Variants in DNASE1L1 observed in about 807,000 individuals in gnomAD.
DNASE1L1 encodes the protein deoxyribonuclease-1-like 1.
Under a neutral mutation model 18.6 loss-of-function variants are expected in DNASE1L1, and 8 were observed. The observed-to-expected ratio is 0.43, with a 90% confidence interval of 0.25 to 0.78. The LOEUF is 0.78. DNASE1L1 is among the 30% of genes least tolerant of loss of function. The pLI is 0.23. For synonymous variants in DNASE1L1, 114 were observed against 114.2 expected, an observed-to-expected ratio of 1.00 and a Z score of 0.01; for missense variants, 214 against 258.2, an observed-to-expected ratio of 0.83 and a Z score of 1.17.
In DNASE1L1 at chrX:154,405,007, C is replaced by T. The variant is rs141797285; in HGVS notation, c.212G>A (p.Arg71Gln). The T allele has an allele frequency of 1.8e-5, 22 of 1,208,962 alleles. No individual in the cohort carries two copies. Among genetic ancestry groups the T allele is most frequent in the Admixed American group, 2.2e-5 (1 of 45,811 alleles). Residue 71 changes from arginine to glutamine, a missense_variant, in exon 3 of 8, where the codon CGA becomes CAA. Transcript: ENST00000369807. ...GAATCTTCCTCACCGATTGAGTTCTCGAAGCAGGAGCGGGATGGCGCTGCC... is the reference window on the plus strand; with the variant it reads ...GAATCTTCCTCACCGATTGAGTTCTTGAAGCAGGAGCGGGATGGCGCTGCC... ...SSGSAIPLLL[R>Q]ELNRFDGSGP...
At position 154,402,574 on chromosome X, in the gene DNASE1L1, C is replaced by T. The variant is rs2068064568; in HGVS notation, c.*133G>A. ...ACCAAAGAACAAGAGCCAAATCAAACAAGGCAGGCAGGGGTGGACTACAGT... is the reference window on the plus strand; with the variant it reads ...ACCAAAGAACAAGAGCCAAATCAAATAAGGCAGGCAGGGGTGGACTACAGT... On this transcript the variant is annotated 3_prime_UTR_variant, in exon 8 of 8. Transcript: ENST00000369807. 2.9e-6 allele frequency: 2 copies of T among 691,517 alleles called. No homozygotes were observed. Among genetic ancestry groups the T allele is most frequent in the African/African-American group, 2.2e-5 (1 of 45,984 alleles). 57.0% of individuals were successfully genotyped at this position (691,517 alleles called of 1,213,427 possible).
Position 154,405,625 on chromosome X carries a change from C to A in DNASE1L1, c.-57G>T. ...AATCCAGGCTGCCCCAGGGTGCGCT[C>A]TCACTGGGCTCAGTTCTGGCTCTGG... On this transcript the variant is annotated 5_prime_UTR_variant, in exon 2 of 8. Transcript: ENST00000369807. The A allele has an allele frequency of 9.5e-7, 1 of 1,047,617 alleles. No homozygotes were observed. The allele number at this position is 1,047,617 out of a possible 1,213,427, so 86.3% of individuals were successfully genotyped here. A position where few individuals can be genotyped will look rare whatever the true frequency, so the allele number is the denominator to read the frequency against.
rs782576613 is a variant in DNASE1L1, at chrX:154,403,220, G to A, written c.526-30C>T. 1.6e-5 allele frequency: 19 copies of A among 1,207,763 alleles called. No individual in the cohort carries two copies. In the Admixed American group the frequency reaches 1.7e-4, roughly 11 times the overall value. On this transcript the variant is annotated intron_variant, in intron 6 of 7. Coordinates refer to ENST00000369807, the MANE Select transcript of DNASE1L1 (RefSeq NM_001303620.2). ...AGACACAGCAGCCATCAGGCTGGCC[G>A]CTGGGCCACCCTATCCTTGTCCCTC... is the stretch of plus-strand genomic sequence containing the variant.
At chrX:154,410,696 C>G (rs1557189957), upstream of DNASE1L1, among the ~76,000 whole-genome samples, 1 of 107,207 alleles carries the variant, frequency 9.3e-6, no homozygotes, top group African/African-American at 3.4e-5. Context: ...ATGGTGAAAC[C>G]CCATCTCTAC....
intron 1 of DNASE1L1, among the ~76,000 whole-genome samples, chrX:154,407,587 C>CTTTTTTT (rs782217648): frequency 1.3e-5 from 1 of 74,763 alleles, no homozygotes. Flanking sequence ...CCTAGTCTAC[C>CTTTTTTT]TTTTTTTTTT....
In DNASE1L1 at chrX:154,403,362, C is replaced by T. The variant is rs1557187524; in HGVS notation, c.432G>A (p.Leu144=). 3 of 1,211,271 alleles carry T rather than the reference C, an allele frequency of 2.5e-6. No individual in the cohort carries two copies. Among genetic ancestry groups the T allele is most frequent in the Middle Eastern group, 2.3e-4 (1 of 4,353 alleles). The stretch of plus-strand genomic sequence containing the variant: ...CCTTAGGAGTGGTGTGCAGCGGGAC[C>T]AACACCAGGCTGGGAAGGACTGCAA... ...LPSNVLPSLV[L]VPLHTTPKAV... Residue 144 remains leucine (L), a synonymous_variant, in exon 6 of 8, where the codon TTG becomes TTA. Transcript: ENST00000369807.
chrX:154,406,664 CTTTTTTTTTT>C (rs782761679), intron 1 of DNASE1L1, among the ~76,000 whole-genome samples: 6 of 86,139 alleles, frequency 7.0e-5, no homozygotes, highest in East Asian at 3.5e-4. Flanking sequence ...CCACCGTGTC[CTTTTTTTTTT>C]TTTTTTTTTT....
intron 4 of DNASE1L1, 34 bp downstream of exon 4, chrX:154,404,794 C>T (rs1363912512): frequency 2.0e-5 from 24 of 1,186,547 alleles, no homozygotes; most frequent in Non-Finnish European, 2.6e-5. Context: ...AAGGACCGCC[C>T]CCCACCCTGC....
At position 154,405,516 on chromosome X, in the gene DNASE1L1, GCCTGGGCC is replaced by G; in HGVS notation, c.45_52del (p.Ala16LeufsTer33). ...GGCATTGAAGGCGCAGATGCGAAAG[GCCTGGGCC>G]CCATTGGCCAGGATGAGGAAGAGGA... On this transcript the variant is annotated frameshift_variant, in exon 2 of 8. Coordinates refer to ENST00000369807, the MANE Select transcript of DNASE1L1 (RefSeq NM_001303620.2). LOFTEE classifies it high-confidence loss of function. 8.3e-7 allele frequency: 1 copy of G among 1,200,881 alleles called. No homozygotes were observed. Among genetic ancestry groups the G allele is most frequent in the Non-Finnish European group, 1.1e-6 (1 of 887,986 alleles).
At chrX:154,404,105 T>C (rs1889197554) in intron 4 of DNASE1L1, among the ~76,000 whole-genome samples, 1 of 109,306 alleles carries the variant, frequency 9.1e-6, no homozygotes, top group Admixed American at 9.8e-5. Context: ...TTCCACGGAC[T>C]GGGTATAGTA....
chrX:154,405,689 G>T, intron 1 of DNASE1L1, 34 bp from the exon 2 acceptor site: 1 of 756,554 alleles, frequency 1.3e-6, no homozygotes, highest in Non-Finnish European at 1.8e-6. Flanking sequence ...GGCACTAGCT[G>T]CTGCCCAGCA....
Position 154,403,310 on chromosome X carries a change from A to G in DNASE1L1, c.484T>C (p.Tyr162His), listed in dbSNP as rs1557187476. ...TGGGAGACCTCCAGAAACACATCGT[A>G]GAGGGCGTTCAGCTCCTTCTCTACG... ...KAVEKELNAL[Y>H]DVFLEVSQHW... The change falls in exon 6 of 8, where the codon TAC becomes CAC. Residue 162 changes from tyrosine to histidine, a missense_variant. Tyr to His is a moderately conservative substitution (Grantham distance 83). Transcript: ENST00000369807. 1 of 1,211,628 alleles carries G rather than the reference A, an allele frequency of 8.3e-7. No homozygotes were observed. The highest frequency in any genetic ancestry group is 2.2e-5 in the Admixed American group (1 of 46,079).
chrX:154,404,935 G>C, intron 3 of DNASE1L1, 21 bp from the exon 4 acceptor site: 2 of 1,206,968 alleles, frequency 1.7e-6, no homozygotes, highest in Non-Finnish European at 2.2e-6. Flanking sequence ...AAGGGGAGGC[G>C]GGGTCAGGGC....
chrX:154,405,231 AG>A, intron 2 of DNASE1L1, 148 bp from the exon 3 acceptor site: 1 of 835,680 alleles, frequency 1.2e-6, no homozygotes, highest in East Asian at 3.4e-5. Context: ...GAAATGCCCC[AG>A]GAAAAGACTC....
Position 154,402,815 on chromosome X carries a change from G to A in DNASE1L1, c.801C>T (p.Pro267=), listed in dbSNP as rs138708821. 26 of 1,209,350 alleles carry A rather than the reference G, an allele frequency of 2.1e-5. No individual in the cohort carries two copies. The South Asian group carries it at 2.5e-4, about 11-fold the overall frequency. The change falls in exon 8 of 8, where the codon CCC becomes CCT. Residue 267 remains proline, a synonymous_variant. Coordinates refer to ENST00000369807, the MANE Select transcript of DNASE1L1 (RefSeq NM_001303620.2). ...EEALNISDHY[P]VEVELKLSQA... ...GGCTCAGCTTCAGCTCCACCTCCAC[G>A]GGGTAGTGGTCACTGATGTTGAGGG...
upstream of DNASE1L1, chrX:154,409,469 C>A (rs1206874084): frequency 3.2e-5 from 4 of 126,252 alleles, no homozygotes; most frequent in African/African-American, 1.3e-4. Context: ...TGAGTGAGAC[C>A]CCGAGCTTCG....
upstream of DNASE1L1, among the ~76,000 whole-genome samples, chrX:154,411,347 C>A (rs781788898): frequency 8.9e-6 from 1 of 112,249 alleles, no homozygotes; most frequent in Non-Finnish European, 1.9e-5. Flanking sequence ...CAGCCTGGGT[C>A]TGGCTGGACC....
At chrX:154,407,740 C>T (rs1387293448) in intron 1 of DNASE1L1, among the ~76,000 whole-genome samples, 2 of 95,100 alleles carry the variant, frequency 2.1e-5, no homozygotes, top group South Asian at 5.6e-4. Flanking sequence ...GGGCTACAGG[C>T]GTGAGCCACC....
intron 1 of DNASE1L1, among the ~76,000 whole-genome samples, chrX:154,407,717 T>C (rs1603373678): frequency 1.1e-5 from 1 of 95,189 alleles, no homozygotes; most frequent in South Asian, 5.7e-4. Flanking sequence ...TGCCTCAGCC[T>C]CCTGAGTAGT....
Sources: gnomAD v4.1 joint callset for allele counts (sites outside exome capture counted in the v4.1 genomes callset) on GRCh38, gnomAD v4.1.1 for gene constraint, MANE v1.5 for transcripts, NCBI Gene and HGNC (gene_info 2026-07-23, HGNC 2026-07-21) for gene names.